Variants in KCNJ6 observed in about 807,000 individuals in gnomAD.
KCNJ6 encodes the protein potassium inwardly rectifying channel subfamily J member 6.
Under a neutral mutation model 34.2 loss-of-function variants are expected in KCNJ6, and 9 were observed. The observed-to-expected ratio is 0.26, with a 90% confidence interval of 0.16 to 0.46. The LOEUF (loss-of-function observed/expected upper bound fraction) is 0.46, where lower values mean the gene tolerates loss of function less well. KCNJ6 is among the 20% of genes least tolerant of loss of function. The probability of loss-of-function intolerance (pLI) is 1.00; values close to 1 mark genes in which losing one functional copy is unlikely to be tolerated. For missense variants in KCNJ6, 236 were observed against 531.3 expected (o/e 0.44, Z 5.46); for synonymous variants, 196 against 207.1 (o/e 0.95, Z 0.46).
chr21:37,679,889 A>G (rs2054583196), intron 3 of KCNJ6, among the ~76,000 whole-genome samples: 1 of 152,220 alleles, frequency 6.6e-6, no homozygotes, highest in African/African-American at 2.4e-5. Flanking sequence ...GCTTTACCAA[A>G]CATCTTCGTT....
chr21:37,796,822 T>C (rs977247977), intron 2 of KCNJ6, among the ~76,000 whole-genome samples: 2 of 136,698 alleles, frequency 1.5e-5, no homozygotes, highest in Admixed American at 1.5e-4. Context: ...AGTCTTGCTC[T>C]GTCGCCCAGG....
intron 2 of KCNJ6, among the ~76,000 whole-genome samples, chr21:37,759,119 G>A (rs906145514): frequency 6.6e-6 from 1 of 152,150 alleles, no homozygotes; most frequent in Admixed American, 6.5e-5. Flanking sequence ...GTTTGAGGCT[G>A]GGGAGGAGAT....
At chr21:37,634,977 G>A (rs950315343) in intron 3 of KCNJ6, among the ~76,000 whole-genome samples, 1 of 151,942 alleles carries the variant, frequency 6.6e-6, no homozygotes, top group African/African-American at 2.4e-5. Flanking sequence ...GGCTGGTCTC[G>A]AACTCCTGGC....
intron 2 of KCNJ6, among the ~76,000 whole-genome samples, chr21:37,795,211 G>T (rs2055235392): frequency 6.6e-6 from 1 of 152,210 alleles, no homozygotes; most frequent in Non-Finnish European, 1.5e-5. Context: ...TCAGGATAAT[G>T]AAATGAAACC....
intron 3 of KCNJ6, among the ~76,000 whole-genome samples, chr21:37,638,909 T>TAC (rs1187016538): frequency 6.6e-6 from 1 of 152,202 alleles, no homozygotes; most frequent in East Asian, 1.9e-4. Context: ...CTACAAAACA[T>TAC]ACAAAACACT....
intron 3 of KCNJ6, among the ~76,000 whole-genome samples, chr21:37,665,004 G>T (rs1455897658): frequency 3.9e-5 from 6 of 151,912 alleles, no homozygotes; most frequent in Non-Finnish European, 7.4e-5. Flanking sequence ...CACCGTGTTA[G>T]CCAGGATGGT....
intron 1 of KCNJ6, among the ~76,000 whole-genome samples, chr21:37,863,860 G>GTTTTTTTTTT (rs56800970): frequency 2.5e-5 from 2 of 81,076 alleles, no homozygotes; most frequent in African/African-American, 4.7e-5. Context: ...TTTTTTTTTT[G>GTTTTTTTTTT]TTTTTTTTTT....
chr21:37,904,561 CATAA>C (rs1389259679), intron 1 of KCNJ6, among the ~76,000 whole-genome samples: 1 of 152,098 alleles, frequency 6.6e-6, no homozygotes, highest in Non-Finnish European at 1.5e-5. Context: ...TGGGCTGTGC[CATAA>C]AGGTTAAGTT....
intron 2 of KCNJ6, among the ~76,000 whole-genome samples, chr21:37,718,667 G>C (rs906161502): frequency 2.0e-5 from 3 of 152,106 alleles, no homozygotes; most frequent in East Asian, 1.9e-4. Flanking sequence ...TGCCTGTTAG[G>C]GGGTGGGGGA....
At chr21:37,685,278 CTCTGGAGG>C (rs2054608195) in intron 3 of KCNJ6, among the ~76,000 whole-genome samples, 1 of 151,996 alleles carries the variant, frequency 6.6e-6, no homozygotes, top group African/African-American at 2.4e-5. Context: ...GCGTGCCTGT[CTCTGGAGG>C]TAGGATTGGA....
intron 2 of KCNJ6, among the ~76,000 whole-genome samples, chr21:37,784,722 A>G (rs1268919053): frequency 3.3e-5 from 5 of 152,006 alleles, no homozygotes; most frequent in African/African-American, 9.7e-5. Flanking sequence ...CACATCATAG[A>G]GTCTGTGCCT....
chr21:37,709,518 A>AAAAAAGAAAAGAAAAG lies in KCNJ6; in HGVS notation c.946+4692_946+4693insCTTTTCTTTTCTTTTT, dbSNP rs112508967. 2.5e-3 allele frequency among the ~76,000 whole-genome samples: 368 copies of AAAAAAGAAAAGAAAAG among 145,796 alleles called. 1 individual carries two copies. The highest frequency in any genetic ancestry group is 5.3e-3 in the African/African-American group (212 of 40,332). ...AACGAGAGCAAAACCCTGTCTCAAA[A>AAAAAAGAAAAGAAAAG]AAAAGAAAAGAAAAGAAAAGAAATA... On this transcript the variant is annotated intron_variant, in intron 3 of 3. Transcript: ENST00000609713.
chr21:37,655,294 T>A (rs546761246), intron 3 of KCNJ6, among the ~76,000 whole-genome samples: 2 of 144,082 alleles, frequency 1.4e-5, no homozygotes, highest in East Asian at 2.1e-4. Context: ...AGTGTAACCA[T>A]GAAGAGGTAA....
At chr21:37,758,422 T>C (rs1410635640) in intron 2 of KCNJ6, among the ~76,000 whole-genome samples, 2 of 152,184 alleles carry the variant, frequency 1.3e-5, no homozygotes, top group African/African-American at 4.8e-5. Context: ...GTATCCACAG[T>C]GGTAAGCTGG....
intron 3 of KCNJ6, among the ~76,000 whole-genome samples, chr21:37,662,684 G>C (rs1628045): frequency 0.98 from 148,778 of 152,318 alleles, 72,699 homozygotes; most frequent in East Asian, 1. Flanking sequence ...GGAATCGTCA[G>C]ACTGTCTTCC....
chr21:37,607,482 A>ATATATATATATATATATATATTTTT lies in KCNJ6; in HGVS notation c.*17676_*17677insAAAAATATATATATATATATATATA. 4 of 136,762 alleles carry ATATATATATATATATATATATTTTT rather than the reference A, an allele frequency of 2.9e-5. No individual in the cohort carries two copies. In the South Asian group the frequency reaches 7.2e-4, roughly 25 times the overall value. The allele number at this position is 136,762 out of a possible 1,614,324, so 8.5% of individuals were successfully genotyped here. ...CTTAAAGATATATATATATATATAT[A>ATATATATATATATATATATATTTTT]TTTTTTTTTTATTTTAAAAAAATTT... On this transcript the variant is annotated 3_prime_UTR_variant, in exon 4 of 4. Transcript: ENST00000609713.
At chr21:37,680,016 G>A (rs1013760293) in intron 3 of KCNJ6, among the ~76,000 whole-genome samples, 4 of 152,118 alleles carry the variant, frequency 2.6e-5, no homozygotes, top group Admixed American at 2.0e-4. Flanking sequence ...TATTTGACAA[G>A]AGCCAGATAT....
chr21:37,754,815 C>T (rs2123486701), intron 2 of KCNJ6, among the ~76,000 whole-genome samples: 1 of 152,278 alleles, frequency 6.6e-6, no homozygotes, highest in East Asian at 1.9e-4. Context: ...GGATTTCTTC[C>T]TTTAAGATTA....
At position 37,655,278 on chromosome 21, in the gene KCNJ6, AGAGAGAGT is replaced by A. The variant is rs1338802871; in HGVS notation, c.947-29802_947-29795del. ...GAGAGAGAGAGAGAGAGAGAGAGAGAGAGAGAGTGTAACCATGAAGAGGTAATTGATAC... is the reference window on the plus strand; with the variant it reads ...GAGAGAGAGAGAGAGAGAGAGAGAGAGTAACCATGAAGAGGTAATTGATAC... On this transcript the variant is annotated intron_variant, in intron 3 of 3. Coordinates refer to ENST00000609713, the MANE Select transcript of KCNJ6 (RefSeq NM_002240.5). Among the ~76,000 whole-genome samples the A allele has an allele frequency of 7.1e-4, 76 of 107,718 alleles. 4 individuals carry two copies. Among genetic ancestry groups the A allele is most frequent in the African/African-American group, 3.9e-3 (71 of 18,172 alleles). 70.7% of individuals were successfully genotyped at this position (107,718 alleles called of 152,430 possible). A position where few individuals can be genotyped will look rare whatever the true frequency, so the allele number is the denominator to read the frequency against.
Sources: allele counts gnomAD v4.1 joint callset (sites outside exome capture counted in the v4.1 genomes callset), GRCh38; gene constraint gnomAD v4.1.1; transcripts MANE v1.5; gene names NCBI Gene and HGNC (gene_info 2026-07-23, HGNC 2026-07-21).